ACACA: variants seen among roughly 807,000 people sequenced by gnomAD.
ACACA encodes acetyl-CoA carboxylase 1.
In ACACA, 103 loss-of-function variants were observed where a neutral mutation model predicts 296.1. That is an observed-to-expected ratio of 0.35 (90% CI 0.30 to 0.41). The LOEUF is 0.41. Ranked by LOEUF, ACACA falls within the 10% of genes least tolerant of loss-of-function variation. The pLI is 1.00. For synonymous variants in ACACA, 953 were observed against 1,038.6 expected, an observed-to-expected ratio of 0.92 and a Z score of 1.58; for missense variants, 1,554 against 2,989.7, an observed-to-expected ratio of 0.52 and a Z score of 11.20.
intron 10 of ACACA, among the ~76,000 whole-genome samples, chr17:37,264,810 T>A (rs559124792): frequency 1.1e-4 from 16 of 152,354 alleles, no homozygotes; most frequent in East Asian, 9.6e-4. Context: ...TGTTTTGCCA[T>A]GTAGCAAGTC....
intron 10 of ACACA, among the ~76,000 whole-genome samples, chr17:37,269,459 C>T (rs185390531): frequency 2.6e-4 from 39 of 152,256 alleles, no homozygotes; most frequent in African/African-American, 9.4e-4. Context: ...ACACATTAGC[C>T]TACAGTTGGG....
chr17:37,212,371 C>A (rs1194260314), intron 29 of ACACA, among the ~76,000 whole-genome samples: 2 of 152,174 alleles, frequency 1.3e-5, no homozygotes, highest in African/African-American at 4.8e-5. Flanking sequence ...AACTCTCAAG[C>A]TCCTATAGAG....
intron 3 of ACACA, among the ~76,000 whole-genome samples, chr17:37,302,199 A>G (rs1598437172): frequency 6.9e-6 from 1 of 144,466 alleles, no homozygotes; most frequent in Admixed American, 6.9e-5. Context: ...CTGGTCTGGA[A>G]CTCTTTTTTT....
intron 10 of ACACA, among the ~76,000 whole-genome samples, chr17:37,269,305 G>A (rs1160231877): frequency 2.0e-5 from 3 of 152,038 alleles, no homozygotes; most frequent in Admixed American, 6.6e-5. Context: ...CCTTTATCTA[G>A]TACAGATGCT....
chr17:37,250,021 T>C (rs780971209), intron 16 of ACACA, among the ~76,000 whole-genome samples: 1 of 152,240 alleles, frequency 6.6e-6, no homozygotes, highest in Admixed American at 6.5e-5. Flanking sequence ...GATGTGTCTT[T>C]GCTCTTCCTT....
intron 42 of ACACA, 181 bp downstream of exon 42, chr17:37,161,600 T>A: frequency 2.8e-6 from 2 of 718,356 alleles, no homozygotes; most frequent in Non-Finnish European, 4.5e-6. Flanking sequence ...AGTGAACATA[T>A]TGAGAAATAA....
intron 2 of ACACA, among the ~76,000 whole-genome samples, chr17:37,337,683 G>T: frequency 6.6e-6 from 1 of 151,712 alleles, no homozygotes; most frequent in Non-Finnish European, 1.5e-5. Flanking sequence ...AAACTCCTGA[G>T]CTCAAGTGAT....
chr17:37,250,513 C>T (rs1452180514), intron 16 of ACACA, among the ~76,000 whole-genome samples: 2 of 152,024 alleles, frequency 1.3e-5, no homozygotes, highest in Non-Finnish European at 2.9e-5. Context: ...TGGTGCGTGC[C>T]TGTAGTCCCA....
At chr17:37,383,043 TAAAC>T (rs1178712207) in intron 1 of ACACA, among the ~76,000 whole-genome samples, 3 of 151,950 alleles carry the variant, frequency 2.0e-5, no homozygotes, top group East Asian at 1.9e-4. Flanking sequence ...TCTGAAAAAA[TAAAC>T]AAACTCAAAA....
chr17:37,128,336 A>C (rs1385123825), intron 47 of ACACA, among the ~76,000 whole-genome samples: 1 of 152,168 alleles, frequency 6.6e-6, no homozygotes, highest in Non-Finnish European at 1.5e-5. Flanking sequence ...TCGTAAGTGC[A>C]AAAAAGATGT....
chr17:37,385,697 T>G (rs1429460705), intron 1 of ACACA, among the ~76,000 whole-genome samples: 1 of 152,170 alleles, frequency 6.6e-6, no homozygotes, highest in Non-Finnish European at 1.5e-5. Flanking sequence ...TCAACAGTTT[T>G]TATGGCCTTC....
chr17:37,263,026 G>A (rs983054074), intron 11 of ACACA, among the ~76,000 whole-genome samples: 10 of 152,078 alleles, frequency 6.6e-5, no homozygotes, highest in South Asian at 2.1e-4. Context: ...CACCATGCCC[G>A]GCCAAGCCAC....
intron 52 of ACACA, among the ~76,000 whole-genome samples, chr17:37,099,647 G>GGGAGGAGGGCTGATT (rs2073238266): frequency 1.3e-5 from 2 of 149,766 alleles, no homozygotes; most frequent in Non-Finnish European, 3.0e-5. Flanking sequence ...GAGGGCTGAT[G>GGGAGGAGGGCTGATT]GGAGGAGGGC....
intron 32 of ACACA, 34 bp downstream of exon 32, chr17:37,206,749 G>T: frequency 6.6e-7 from 1 of 1,511,170 alleles, no homozygotes. Flanking sequence ...ATGTCTGAGG[G>T]GAACAAAGCA....
chr17:37,391,553 T>A, intron 1 of ACACA: 1 of 1,074,316 alleles, frequency 9.3e-7, no homozygotes, highest in Non-Finnish European at 1.4e-6. Flanking sequence ...TGGAATTACA[T>A]GGGGTTTTGT....
chr17:37,105,462 G>A (rs2073621368), intron 52 of ACACA, among the ~76,000 whole-genome samples: 1 of 150,238 alleles, frequency 6.7e-6, no homozygotes, highest in Non-Finnish European at 1.5e-5. Flanking sequence ...AGGCGACAGT[G>A]CGAGGCTCCA....
At chr17:37,122,271 C>A (rs1379129605) in intron 49 of ACACA, among the ~76,000 whole-genome samples, 1 of 152,186 alleles carries the variant, frequency 6.6e-6, no homozygotes, top group Non-Finnish European at 1.5e-5. Flanking sequence ...TTCTGTAAGA[C>A]CATCTCCCCA....
At chr17:37,263,641 G>A (rs1375080372) in intron 11 of ACACA, 44 bp downstream of exon 11, 1 of 1,509,976 alleles carries the variant, frequency 6.6e-7, no homozygotes, top group Non-Finnish European at 9.2e-7. Context: ...AATGAAAAAT[G>A]TTCTATGTAA....
At chr17:37,163,139 G>C (rs1219945139) in intron 41 of ACACA, 1 of 139,560 alleles carries the variant, frequency 7.2e-6, no homozygotes, top group Admixed American at 8.0e-5. Flanking sequence ...CCTTCTTCTA[G>C]GTGCAGGGCC....
Sources: allele counts gnomAD v4.1 joint callset (sites outside exome capture counted in the v4.1 genomes callset), GRCh38; gene constraint gnomAD v4.1.1; transcripts MANE v1.5; gene names NCBI Gene and HGNC (gene_info 2026-07-23, HGNC 2026-07-21).